Variants in DHX30 observed in about 807,000 individuals in gnomAD.
DHX30 encodes ATP-dependent RNA helicase DHX30.
In DHX30, 4 loss-of-function variants were observed where a neutral mutation model predicts 116.9. The observed-to-expected ratio is 0.03, with a 90% CI of 0.02 to 0.08. The LOEUF is 0.08. Among genes scored for constraint, DHX30 ranks in the 10% least tolerant of loss-of-function variants. DHX30 has a pLI of 1.00. For synonymous variants in DHX30, 697 were observed against 651.7 expected (o/e 1.07, Z -1.06); for missense variants, 871 against 1,595.1 (o/e 0.55, Z 7.73).
At chr3:47,843,925 A>G (rs574801712) in intron 9 of DHX30, among the ~76,000 whole-genome samples, 1 of 152,346 alleles carries the variant, frequency 6.6e-6, no homozygotes, top group East Asian at 1.9e-4. Context: ...TGGTCTTAAA[A>G]TCTTGGGCTC....
At chr3:47,840,316 T>C (rs1048089225) in intron 6 of DHX30, among the ~76,000 whole-genome samples, 1 of 151,520 alleles carries the variant, frequency 6.6e-6, no homozygotes, top group African/African-American at 2.4e-5. Context: ...TTTTAATTGC[T>C]GTATTTACTG....
At chr3:47,825,253 G>GGCATCGGCGGGGGCGGGCGGTCC in intron 4 of DHX30, 1 of 585,464 alleles carries the variant, frequency 1.7e-6, no homozygotes, top group South Asian at 1.9e-5. Flanking sequence ...GAACGGTGAG[G>GGCATCGGCGGGGGCGGGCGGTCC]GCATCGGCGG....
At chr3:47,833,317 G>A (rs1017239165) in intron 6 of DHX30, among the ~76,000 whole-genome samples, 2 of 151,856 alleles carry the variant, frequency 1.3e-5, no homozygotes, top group Non-Finnish European at 2.9e-5. Context: ...TTGAGTCCAC[G>A]AGTTTGAGAC....
intron 10 of DHX30, 93 bp downstream of exon 10, chr3:47,845,945 A>T: frequency 6.6e-7 from 1 of 1,511,334 alleles, no homozygotes; most frequent in South Asian, 1.3e-5. Context: ...AGGCAGTAGT[A>T]CCTCCCCATT....
chr3:47,848,664 G>C lies in DHX30; in HGVS notation c.2616G>C (p.Gln872His), dbSNP rs1270447453. Residue 872 changes from glutamine to histidine, a missense_variant, in exon 17 of 22, where the codon CAG becomes CAC. Gln to His is a conservative substitution (Grantham distance 24). Coordinates refer to ENST00000445061, the MANE Select transcript of DHX30 (RefSeq NM_138615.3). This position sits in a 1 kb window ranked among gnomAD's most constrained non-coding sequence, Gnocchi z 9.4. ...GGGAGTACCTGACTACCCTGGGGCA[G>C]CGCCTGGCTCACATCTCCACCGACC... The part of the protein sequence containing the change: ...DQREYLTTLG[Q>H]RLAHISTDPR... The C allele has an allele frequency of 6.2e-7, 1 of 1,614,022 alleles. No homozygotes were observed. The highest frequency in any genetic ancestry group is 8.5e-7 in the Non-Finnish European group (1 of 1,180,020).
Position 47,847,037 on chromosome 3 carries a change from C to A in DHX30, c.1929+36C>A. On this transcript the variant is annotated intron_variant, in intron 11 of 21. Coordinates refer to ENST00000445061, the MANE Select transcript of DHX30 (RefSeq NM_138615.3). This position sits in a 1 kb window ranked among gnomAD's most constrained non-coding sequence, Gnocchi z 5.5. ...CCCCCATCCCACCCAAGGCTCCTGG[C>A]CTTTCCTCCGTGGATGCCCCTCCTC... 6.3e-7 allele frequency: 1 copy of A among 1,584,474 alleles called. No homozygotes were observed. Among genetic ancestry groups the A allele is most frequent in the South Asian group, 1.1e-5 (1 of 87,562 alleles).
intron 6 of DHX30, among the ~76,000 whole-genome samples, chr3:47,839,280 CTTT>C (rs59932351): frequency 2.3e-5 from 3 of 129,804 alleles, no homozygotes; most frequent in Admixed American, 7.8e-5. Flanking sequence ...CTTATATTCT[CTTT>C]TTTTTTTTTT....
intron 2 of DHX30, among the ~76,000 whole-genome samples, chr3:47,809,558 T>C (rs1044163988): frequency 6.6e-6 from 1 of 152,304 alleles, no homozygotes; most frequent in Admixed American, 6.5e-5. Context: ...TGTAACTTCT[T>C]AAAGTAAATG....
intron 9 of DHX30, 116 bp downstream of exon 9, chr3:47,843,371 C>T: frequency 5.6e-6 from 8 of 1,416,220 alleles, no homozygotes; most frequent in Non-Finnish European, 7.6e-6. Flanking sequence ...GGCCTTTTGC[C>T]TGGCACAAAG....
chr3:47,817,895 C>G, intron 3 of DHX30, 127 bp from the exon 4 acceptor site: 2 of 760,210 alleles, frequency 2.6e-6, no homozygotes, highest in Non-Finnish European at 2.4e-6. Flanking sequence ...CCTGTGGCTG[C>G]TCCCAGCACT....
At chr3:47,830,447 CA>C (rs1242359619) in intron 6 of DHX30, among the ~76,000 whole-genome samples, 3 of 146,506 alleles carry the variant, frequency 2.0e-5, no homozygotes, top group East Asian at 2.0e-4. Context: ...GACTCCGTCA[CA>C]AAAAAAAAAT....
At chr3:47,829,997 A>C (rs926634106) in intron 6 of DHX30, among the ~76,000 whole-genome samples, 4 of 151,004 alleles carry the variant, frequency 2.6e-5, no homozygotes, top group Non-Finnish European at 5.9e-5. Flanking sequence ...ATGCCCGACT[A>C]ATTTTTGTAT....
At chr3:47,803,241 C>T in intron 1 of DHX30, 29 bp downstream of exon 1, 1 of 392,730 alleles carries the variant, frequency 2.5e-6, no homozygotes, top group African/African-American at 2.1e-5. Flanking sequence ...TCTCCCCTTT[C>T]GTGCCCTCTT....
chr3:47,841,394 C>T (rs1287687306), intron 7 of DHX30, among the ~76,000 whole-genome samples: 1 of 152,210 alleles, frequency 6.6e-6, no homozygotes, highest in Non-Finnish European at 1.5e-5. Flanking sequence ...AGCATGGAGC[C>T]CCTGCTCTCT....
At position 47,824,984 on chromosome 3, in the gene DHX30, C is replaced by A. The variant is rs2107009414; in HGVS notation, c.125-2363C>A. 9.3e-6 allele frequency: 5 copies of A among 536,872 alleles called. No homozygotes were observed. The East Asian group carries it at 1.7e-4, about 19-fold the overall frequency. The allele number at this position is 536,872 out of a possible 1,614,324, so 33.3% of individuals were successfully genotyped here. ...CGCGCGGCGCTCGGGCCGGCCGCTC[C>A]CGTTCTCTTCGCCCGGTCCCTGCCG... On this transcript the variant is annotated intron_variant, in intron 4 of 21. Transcript: ENST00000445061.
At chr3:47,821,471 G>A (rs1355359729) in intron 4 of DHX30, among the ~76,000 whole-genome samples, 1 of 151,438 alleles carries the variant, frequency 6.6e-6, no homozygotes, top group Non-Finnish European at 1.5e-5. Flanking sequence ...GTTTCTCCAT[G>A]TTGGTCAGGC....
intron 4 of DHX30, among the ~76,000 whole-genome samples, chr3:47,821,390 C>T (rs1398062022): frequency 2.0e-5 from 3 of 152,114 alleles, no homozygotes; most frequent in Non-Finnish European, 4.4e-5. Flanking sequence ...CCCAGCCCCC[C>T]GAGTACCGGG....
intron 4 of DHX30, among the ~76,000 whole-genome samples, chr3:47,821,808 A>T (rs1248925514): frequency 2.0e-5 from 3 of 151,622 alleles, no homozygotes; most frequent in Non-Finnish European, 4.4e-5. Context: ...CACACTGGCC[A>T]GGCTGGCCTT....
intron 4 of DHX30, among the ~76,000 whole-genome samples, chr3:47,826,549 G>A (rs759561080): frequency 1.3e-5 from 2 of 151,556 alleles, no homozygotes; most frequent in South Asian, 2.1e-4. Context: ...GGGTTCAAGC[G>A]ATTCTCCTGC....
Sources: allele counts gnomAD v4.1 joint callset (sites outside exome capture counted in the v4.1 genomes callset), GRCh38; gene constraint gnomAD v4.1.1; non-coding constraint Gnocchi (gnomAD v3.1); transcripts MANE v1.5; gene names NCBI Gene and HGNC (gene_info 2026-07-23, HGNC 2026-07-21).